The following EYS variants were observed in gnomAD, a reference collection of about 807,000 sequenced individuals.
EYS encodes protein eyes shut homolog.
A neutral mutation model predicts 282.1 loss-of-function variants in EYS; 250 were observed. That is an observed-to-expected ratio of 0.89 (90% confidence interval 0.80 to 0.98). EYS has a LOEUF of 0.98. EYS is among the 50% of genes least tolerant of loss of function. EYS has a pLI of 0.00. For synonymous variants in EYS, 1,355 were observed against 1,282.9 expected, an observed-to-expected ratio of 1.06 and a Z score of -1.20; for missense variants, 4,016 against 3,709.0, an observed-to-expected ratio of 1.08 and a Z score of -2.15.
chr6:65,403,046 T>C (rs559176252), intron 6 of EYS, among the ~76,000 whole-genome samples: 1 of 152,210 alleles, frequency 6.6e-6, no homozygotes, highest in South Asian at 2.1e-4. Context: ...CAACATTTAC[T>C]ACCAGACATA....
intron 26 of EYS, among the ~76,000 whole-genome samples, chr6:64,576,180 C>G (rs1260585232): frequency 1.3e-5 from 2 of 152,154 alleles, no homozygotes; most frequent in East Asian, 1.9e-4. Context: ...TCATCCTTGA[C>G]TAGCCAGTGA....
intron 2 of EYS, among the ~76,000 whole-genome samples, chr6:65,614,932 A>G (rs891362689): frequency 3.3e-5 from 5 of 152,248 alleles, no homozygotes; most frequent in Non-Finnish European, 5.9e-5. Context: ...ATGTATACAC[A>G]CTACAAAGGC....
At chr6:65,589,036 C>T (rs1765146419) in intron 2 of EYS, among the ~76,000 whole-genome samples, 1 of 152,086 alleles carries the variant, frequency 6.6e-6, no homozygotes, top group South Asian at 2.1e-4. Context: ...TCTTCCCCTC[C>T]TGATAAGTTT....
chr6:64,228,981 A>G (rs957658216), intron 31 of EYS, among the ~76,000 whole-genome samples: 1 of 152,150 alleles, frequency 6.6e-6, no homozygotes, highest in Non-Finnish European at 1.5e-5. Context: ...AACATTAAAA[A>G]ATTAAAATAG....
intron 30 of EYS, among the ~76,000 whole-genome samples, chr6:64,256,862 C>A (rs1450708900): frequency 6.6e-6 from 1 of 151,966 alleles, no homozygotes; most frequent in Non-Finnish European, 1.5e-5. Flanking sequence ...GAGAGCTATG[C>A]AAATAGTTAC....
At chr6:64,109,615 T>C (rs574136616) in intron 31 of EYS, among the ~76,000 whole-genome samples, 6 of 152,104 alleles carry the variant, frequency 3.9e-5, no homozygotes, top group Non-Finnish European at 7.4e-5. Flanking sequence ...GAGTATACTA[T>C]TTCACTATTT....
intron 18 of EYS, among the ~76,000 whole-genome samples, chr6:64,895,135 G>A (rs2150067893): frequency 6.6e-6 from 1 of 152,090 alleles, no homozygotes; most frequent in East Asian, 1.9e-4. Context: ...TCACCAGATT[G>A]GACAATGCAA....
At chr6:64,197,297 C>T (rs1040521240) in intron 31 of EYS, among the ~76,000 whole-genome samples, 1 of 152,008 alleles carries the variant, frequency 6.6e-6, no homozygotes, top group South Asian at 2.1e-4. Context: ...TTGAAATTTC[C>T]AGTTTACCCT....
chr6:65,206,572 A>G lies in EYS; in HGVS notation c.2023+89291T>C, dbSNP rs189197815. On this transcript the variant is annotated intron_variant, in intron 12 of 42. Transcript: ENST00000503581. Reference sequence around the variant, plus strand: ...TGTAATACTAAAATCATGCAATGACAACACCAAAAATAACTACAGACCATT... The same window carrying G: ...TGTAATACTAAAATCATGCAATGACGACACCAAAAATAACTACAGACCATT... 5.9e-5 allele frequency among the ~76,000 whole-genome samples: 9 copies of G among 151,900 alleles called. No individual in the cohort carries two copies. The East Asian group carries it at 1.7e-3, about 29-fold the overall frequency.
chr6:63,766,173 C>G (rs1189823720), intron 40 of EYS, among the ~76,000 whole-genome samples: 1 of 151,944 alleles, frequency 6.6e-6, no homozygotes, highest in Non-Finnish European at 1.5e-5. Flanking sequence ...GACACTGTTG[C>G]AATAACCGAA....
chr6:64,152,918 A>G (rs997691849), intron 31 of EYS, among the ~76,000 whole-genome samples: 13 of 152,184 alleles, frequency 8.5e-5, no homozygotes, highest in Admixed American at 5.9e-4. Flanking sequence ...GAGATGAGGC[A>G]AAAACAGTGG....
intron 5 of EYS, among the ~76,000 whole-genome samples, chr6:65,460,113 T>A (rs1764777528): frequency 6.8e-6 from 1 of 146,870 alleles, no homozygotes; most frequent in Non-Finnish European, 1.5e-5. Context: ...ATATAAAATA[T>A]CCTCTAAGAG....
chr6:65,117,908 G>A (rs913135506), intron 12 of EYS, among the ~76,000 whole-genome samples: 1 of 152,116 alleles, frequency 6.6e-6, no homozygotes, highest in African/African-American at 2.4e-5. Context: ...TGTGGAATGT[G>A]GTGAATTATT....
At chr6:65,128,862 T>A (rs532287677) in intron 12 of EYS, among the ~76,000 whole-genome samples, 1 of 151,936 alleles carries the variant, frequency 6.6e-6, no homozygotes, top group East Asian at 1.9e-4. Flanking sequence ...GCCCAAGCAA[T>A]CCTAAGCAAA....
chr6:65,052,641 G>A (rs1271407098), intron 13 of EYS, among the ~76,000 whole-genome samples: 3 of 151,376 alleles, frequency 2.0e-5, no homozygotes, highest in African/African-American at 7.3e-5. Context: ...TTTTGTTCAG[G>A]TATATTATAA....
chr6:65,075,296 T>C (rs1352495956), intron 12 of EYS, among the ~76,000 whole-genome samples: 1 of 152,024 alleles, frequency 6.6e-6, no homozygotes, highest in Non-Finnish European at 1.5e-5. Context: ...CCTACATGCA[T>C]TTACACATAT....
intron 11 of EYS, among the ~76,000 whole-genome samples, chr6:65,297,536 T>C (rs1768700117): frequency 6.6e-6 from 1 of 152,000 alleles, no homozygotes; most frequent in African/African-American, 2.4e-5. Flanking sequence ...TTTGATGTGT[T>C]CAAATCACTG....
At chr6:63,954,142 C>T (rs11751654) in intron 35 of EYS, among the ~76,000 whole-genome samples, 4 of 152,234 alleles carry the variant, frequency 2.6e-5, no homozygotes, top group African/African-American at 9.6e-5. Context: ...GACAACTGAC[C>T]CCTGTGACTG....
At chr6:65,288,327 T>C (rs1037847215) in intron 12 of EYS, among the ~76,000 whole-genome samples, 6 of 150,938 alleles carry the variant, frequency 4.0e-5, no homozygotes, top group African/African-American at 7.2e-5. Context: ...TTTGGTATTA[T>C]AGCTGTCTGA....
Sources: gnomAD v4.1 joint callset for allele counts (sites outside exome capture counted in the v4.1 genomes callset) on GRCh38, gnomAD v4.1.1 for gene constraint, MANE v1.5 for transcripts, NCBI Gene and HGNC (gene_info 2026-07-23, HGNC 2026-07-21) for gene names.